TRPC5: variants seen among roughly 807,000 people sequenced by gnomAD.
TRPC5 encodes the protein short transient receptor potential channel 5.
TRPC5 carries 9 observed loss-of-function variants against 56.5 expected under a neutral mutation model. The observed-to-expected ratio is 0.16, with a 90% CI of 0.10 to 0.28. The LOEUF (loss-of-function observed/expected upper bound fraction) is 0.28. TRPC5 is among the 10% of genes least tolerant of loss of function. The probability of loss-of-function intolerance (pLI) is 1.00; values close to 1 mark genes in which losing one functional copy is unlikely to be tolerated. For synonymous variants in TRPC5, 282 were observed against 278.5 expected (o/e 1.01, Z -0.13); for missense variants, 469 against 748.9 (o/e 0.63, Z 4.36).
intron 7 of TRPC5, among the ~76,000 whole-genome samples, chrX:111,824,824 G>A (rs1922139866): frequency 8.9e-6 from 1 of 111,971 alleles, no homozygotes; most frequent in Non-Finnish European, 1.9e-5. Context: ...GTTTCCTGGG[G>A]AATAAAGTAT....
chrX:112,002,074 C>T (rs1047581325), intron 1 of TRPC5, among the ~76,000 whole-genome samples: 4 of 110,259 alleles, frequency 3.6e-5, no homozygotes, highest in African/African-American at 1.3e-4. Flanking sequence ...TTATACCCTG[C>T]AACCTGCTCA....
At chrX:111,852,158 G>A in intron 5 of TRPC5, 140 bp downstream of exon 5, 2 of 581,549 alleles carry the variant, frequency 3.4e-6, no homozygotes, top group Non-Finnish European at 2.6e-6. Flanking sequence ...CTGAAAGAAT[G>A]TCTGTTTATA....
rs201316742 is a variant in TRPC5, at chrX:111,843,944, GAGAC to G, written c.1700+3166_1700+3169del. Among the ~76,000 whole-genome samples, 882 of 105,344 alleles carry G rather than the reference GAGAC, an allele frequency of 8.4e-3. 15 individuals are homozygous for G. Among genetic ancestry groups the G allele is most frequent in the African/African-American group, 0.03 (857 of 28,189 alleles). 91.5% of individuals were successfully genotyped at this position (105,344 alleles called of 115,157 possible). A position where few individuals can be genotyped will look rare whatever the true frequency, so the allele number is the denominator to read the frequency against. ...TATGTGAGAGAGAGAGAATGAGAGA[GAGAC>G]AGAGAGAGAAAGAGAGAGAGGTATT... On this transcript the variant is annotated intron_variant, in intron 6 of 10. Transcript: ENST00000262839.
rs1306938240 is a variant in TRPC5 at position 111,774,876 on chromosome X, T to C, written c.*1437A>G. The stretch of plus-strand genomic sequence containing the variant: ...GGCTACACACTATTTATGTAATCTC[T>C]AGGACTCAGACCTAGAGTTGTTTCA... On this transcript the variant is annotated 3_prime_UTR_variant, in exon 11 of 11. Coordinates refer to ENST00000262839, the MANE Select transcript of TRPC5 (RefSeq NM_012471.3). The C allele has an allele frequency of 9.0e-6, 1 of 110,848 alleles. No homozygotes were observed. Among genetic ancestry groups the C allele is most frequent in the Non-Finnish European group, 1.9e-5 (1 of 52,907 alleles). The allele number at this position is 110,848 out of a possible 1,213,427, so 9.1% of individuals were successfully genotyped here.
At chrX:111,819,943 A>G (rs981916507) in intron 7 of TRPC5, among the ~76,000 whole-genome samples, 2 of 112,150 alleles carry the variant, frequency 1.8e-5, no homozygotes, top group Non-Finnish European at 3.8e-5. Flanking sequence ...CCTCATCTGT[A>G]ACATTCAGAT....
rs186541805 is a variant in TRPC5, at chrX:111,851,353, G to A, written c.1377+945C>T. 4.8e-3 allele frequency among the ~76,000 whole-genome samples: 538 copies of A among 111,810 alleles called. 2 individuals are homozygous for A. The highest frequency in any genetic ancestry group is 0.017 in the African/African-American group (517 of 30,825). On this transcript the variant is annotated intron_variant, in intron 5 of 10. Transcript: ENST00000262839. ...TGAATTGTCAGCCTTTTCTCATGGA[G>A]AAGTTTAACTCAGGCTACAAGGAGG...
chrX:111,976,068 CAATA>C (rs1355175921), intron 1 of TRPC5, among the ~76,000 whole-genome samples: 2 of 112,034 alleles, frequency 1.8e-5, no homozygotes, highest in South Asian at 3.7e-4. Context: ...ATGATCATCT[CAATA>C]GATACAGAAA....
intron 1 of TRPC5, among the ~76,000 whole-genome samples, chrX:112,079,642 G>C: frequency 9.0e-6 from 1 of 111,724 alleles, no homozygotes; most frequent in Non-Finnish European, 1.9e-5. Flanking sequence ...CTAATTTCCT[G>C]GCCTAGTCTT....
chrX:111,883,474 G>A (rs1924327905), intron 3 of TRPC5, among the ~76,000 whole-genome samples: 1 of 112,459 alleles, frequency 8.9e-6, no homozygotes, highest in African/African-American at 3.2e-5. Flanking sequence ...CTGAGTCAAA[G>A]CCTTAGCCTA....
At chrX:111,924,322 G>A (rs768830692) in intron 2 of TRPC5, among the ~76,000 whole-genome samples, 2 of 111,424 alleles carry the variant, frequency 1.8e-5, no homozygotes, top group Non-Finnish European at 3.8e-5. Context: ...GAGACCTTGG[G>A]TGACAAAAAT....
intron 7 of TRPC5, among the ~76,000 whole-genome samples, chrX:111,788,773 GACAA>G (rs751529059): frequency 0.016 from 1,733 of 111,331 alleles, 37 homozygotes; most frequent in African/African-American, 0.053. Context: ...ACCAATAACA[GACAA>G]ACAGAGAGCC....
chrX:111,864,153 T>A (rs952091211), intron 3 of TRPC5, among the ~76,000 whole-genome samples: 1 of 107,740 alleles, frequency 9.3e-6, no homozygotes, highest in African/African-American at 3.4e-5. Flanking sequence ...CACCCGGCTA[T>A]TTTTTTTTGT....
intron 1 of TRPC5, among the ~76,000 whole-genome samples, chrX:112,040,072 G>A (rs934652661): frequency 8.9e-6 from 1 of 111,829 alleles, no homozygotes; most frequent in Non-Finnish European, 1.9e-5. Context: ...AGCCCTCAAT[G>A]GGCAGAATCT....
intron 1 of TRPC5, among the ~76,000 whole-genome samples, chrX:112,032,422 G>A (rs964383897): frequency 9.0e-6 from 1 of 111,394 alleles, no homozygotes; most frequent in East Asian, 2.8e-4. Context: ...AGGGAAATCA[G>A]TATGTCAAAG....
At chrX:111,883,272 G>A (rs765478871) in intron 3 of TRPC5, among the ~76,000 whole-genome samples, 2 of 112,277 alleles carry the variant, frequency 1.8e-5, no homozygotes, top group African/African-American at 6.5e-5. Flanking sequence ...GCCTAATTTC[G>A]GTCTAGTCAG....
At position 111,944,300 on chromosome X, in the gene TRPC5, G is replaced by GAA. The variant is rs1324647813; in HGVS notation, c.378+7742_378+7743insTT. Among the ~76,000 whole-genome samples, 309 of 88,457 alleles carry GAA rather than the reference G, an allele frequency of 3.5e-3. 6 individuals carry two copies. Among genetic ancestry groups the GAA allele is most frequent in the African/African-American group, 0.017 (299 of 18,043 alleles). 76.8% of individuals were successfully genotyped at this position (88,457 alleles called of 115,157 possible). A position where few individuals can be genotyped will look rare whatever the true frequency, so the allele number is the denominator to read the frequency against. Reference sequence around the variant, plus strand: ...TGTGTGTGTGTGTGTGTGTGTGTGTGTGTGAGAGAGAGAGAGAGAGAGAGA... The same window carrying GAA: ...TGTGTGTGTGTGTGTGTGTGTGTGTGAATGTGAGAGAGAGAGAGAGAGAGAGA... On this transcript the variant is annotated intron_variant, in intron 2 of 10. Coordinates refer to ENST00000262839, the MANE Select transcript of TRPC5 (RefSeq NM_012471.3).
intron 1 of TRPC5, among the ~76,000 whole-genome samples, chrX:112,042,133 C>G (rs1929908260): frequency 9.0e-6 from 1 of 111,446 alleles, no homozygotes; most frequent in Non-Finnish European, 1.9e-5. Flanking sequence ...TATGACGAGA[C>G]TGACAGATGC....
chrX:111,786,151 A>C (rs1945961905), intron 7 of TRPC5, among the ~76,000 whole-genome samples: 4 of 111,596 alleles, frequency 3.6e-5, no homozygotes, highest in Admixed American at 2.9e-4. Context: ...AAAAGTGTTA[A>C]GGGCAGCCAC....
At chrX:111,969,038 T>A (rs770468646) in intron 1 of TRPC5, among the ~76,000 whole-genome samples, 2 of 103,600 alleles carry the variant, frequency 1.9e-5, no homozygotes, top group Non-Finnish European at 4.0e-5. Flanking sequence ...ACAAAAAAAA[T>A]AAATAAATAA....
Sources: gnomAD v4.1 joint callset for allele counts (sites outside exome capture counted in the v4.1 genomes callset) on GRCh38, gnomAD v4.1.1 for gene constraint, MANE v1.5 for transcripts, NCBI Gene and HGNC (gene_info 2026-07-23, HGNC 2026-07-21) for gene names.